The following WWOX variants were observed in gnomAD, a reference collection of about 807,000 sequenced individuals.
The protein encoded by WWOX is WW domain containing oxidoreductase.
WWOX carries 69 observed loss-of-function variants against 46.2 expected under a neutral mutation model. The observed-to-expected ratio is 1.49, with a 90% CI of 1.23 to 1.82. WWOX has a LOEUF of 1.82. WWOX is among the 40% of genes most tolerant of loss of function. The probability of loss-of-function intolerance (pLI) is 0.00; values close to 1 mark genes in which losing one functional copy is unlikely to be tolerated. For synonymous variants in WWOX, 359 were observed against 202.6 expected (o/e 1.77, Z -6.56); for missense variants, 919 against 542.6 (o/e 1.69, Z -6.89).
intron 8 of WWOX, chr16:78,526,476 C>G (rs1484510684): frequency 6.6e-6 from 1 of 152,192 alleles, no homozygotes; most frequent in Admixed American, 6.5e-5. Context: ...AGAGAAGATC[C>G]ATTGCAAAAT....
intron 8 of WWOX, among the ~76,000 whole-genome samples, chr16:78,732,224 C>T (rs368006907): frequency 1.0e-3 from 156 of 152,116 alleles, no homozygotes; most frequent in African/African-American, 3.5e-3. Flanking sequence ...GTACAGGTGA[C>T]GCTGCAGACT....
At chr16:79,074,162 C>G (rs1018782912) in intron 8 of WWOX, among the ~76,000 whole-genome samples, 10 of 152,040 alleles carry the variant, frequency 6.6e-5, no homozygotes, top group African/African-American at 9.7e-5. Context: ...GCAGGCAACT[C>G]CGACCCCAAG....
At chr16:78,295,988 T>C (rs1286977592) in intron 5 of WWOX, among the ~76,000 whole-genome samples, 1 of 152,246 alleles carries the variant, frequency 6.6e-6, no homozygotes, top group Non-Finnish European at 1.5e-5. Context: ...ATTCCTGCCA[T>C]CTGCAGCTTC....
intron 6 of WWOX, among the ~76,000 whole-genome samples, chr16:78,424,575 C>T (rs2083031578): frequency 6.6e-6 from 1 of 152,174 alleles, no homozygotes; most frequent in Admixed American, 6.5e-5. Context: ...CAACTCTTCG[C>T]AGATTGCCTG....
At chr16:79,067,836 C>T (rs1567527339) in intron 8 of WWOX, among the ~76,000 whole-genome samples, 2 of 152,170 alleles carry the variant, frequency 1.3e-5, no homozygotes, top group Non-Finnish European at 2.9e-5. Context: ...TGCGAGTCAT[C>T]TGCAAATGAA....
At chr16:78,670,192 C>A (rs937854042) in intron 8 of WWOX, among the ~76,000 whole-genome samples, 8 of 152,116 alleles carry the variant, frequency 5.3e-5, no homozygotes, top group African/African-American at 1.9e-4. Context: ...CCAGCAGGTC[C>A]AGCTCTAACC....
At chr16:78,492,839 G>A (rs1036273337) in intron 8 of WWOX, among the ~76,000 whole-genome samples, 9 of 152,076 alleles carry the variant, frequency 5.9e-5, no homozygotes, top group Admixed American at 3.9e-4. Context: ...CTGCTAGGCC[G>A]AATACTTGTG....
intron 8 of WWOX, among the ~76,000 whole-genome samples, chr16:79,189,229 A>G (rs1021057682): frequency 3.3e-5 from 5 of 151,984 alleles, no homozygotes; most frequent in African/African-American, 1.2e-4. Flanking sequence ...TGGAACAGGC[A>G]TCTATTAGGA....
intron 7 of WWOX, among the ~76,000 whole-genome samples, chr16:78,425,657 G>A (rs1481692753): frequency 6.6e-6 from 1 of 152,070 alleles, no homozygotes; most frequent in Admixed American, 6.5e-5. Context: ...AAATTTCCTC[G>A]TATTTTCAGC....
intron 8 of WWOX, among the ~76,000 whole-genome samples, chr16:78,550,369 A>G (rs2044145135): frequency 6.6e-6 from 1 of 152,248 alleles, no homozygotes. Flanking sequence ...ATCATGCATT[A>G]GTGAAAGCAC....
chr16:79,048,898 C>T (rs1157369874), intron 8 of WWOX, among the ~76,000 whole-genome samples: 1 of 152,122 alleles, frequency 6.6e-6, no homozygotes, highest in Non-Finnish European at 1.5e-5. Context: ...GAGTGACCTC[C>T]AGAACTGTAA....
rs533321991 is a variant in WWOX at position 78,334,795 on chromosome 16, C to A, written c.517-52065C>A. On this transcript the variant is annotated intron_variant, in intron 5 of 8. Coordinates refer to ENST00000566780, the MANE Select transcript of WWOX (RefSeq NM_016373.4). ...GGAAAATGGGAAAGTCTCCCCTCCA[C>A]ACACACACACACGCACACACACACA... is the stretch of plus-strand genomic sequence containing the variant. Among the ~76,000 whole-genome samples, 638 of 63,892 alleles carry A rather than the reference C, an allele frequency of 1.0e-2. 1 individual carries two copies. The highest frequency in any genetic ancestry group is 0.045 in the African/African-American group (614 of 13,496). The allele number at this position is 63,892 out of a possible 152,430, so 41.9% of individuals were successfully genotyped here.
At chr16:78,725,455 C>T (rs1192761865) in intron 8 of WWOX, among the ~76,000 whole-genome samples, 1 of 141,150 alleles carries the variant, frequency 7.1e-6, no homozygotes, top group Non-Finnish European at 1.5e-5. Context: ...TTAAGCGATT[C>T]TCCTGCCTCA....
chr16:78,420,125 AC>A (rs1335842770), intron 6 of WWOX, among the ~76,000 whole-genome samples: 1 of 152,194 alleles, frequency 6.6e-6, no homozygotes, highest in Non-Finnish European at 1.5e-5. Flanking sequence ...ACAAATACTT[AC>A]AAACACATGG....
chr16:78,329,493 G>A (rs1012731200), intron 5 of WWOX, among the ~76,000 whole-genome samples: 1 of 152,178 alleles, frequency 6.6e-6, no homozygotes, highest in Non-Finnish European at 1.5e-5. Flanking sequence ...CGTGGCAAAT[G>A]TGACCTACCT....
chr16:78,378,651 C>T (rs1960656401), intron 5 of WWOX, among the ~76,000 whole-genome samples: 1 of 152,110 alleles, frequency 6.6e-6, no homozygotes, highest in African/African-American at 2.4e-5. Flanking sequence ...TGTGACAGCT[C>T]CTATTTAAGG....
At chr16:78,399,715 C>A (rs2082368137) in intron 6 of WWOX, among the ~76,000 whole-genome samples, 1 of 152,198 alleles carries the variant, frequency 6.6e-6, no homozygotes, top group South Asian at 2.1e-4. Flanking sequence ...TATTTCCCAA[C>A]TTGGCCCATG....
intron 8 of WWOX, among the ~76,000 whole-genome samples, chr16:78,785,437 G>C (rs894671658): frequency 2.6e-5 from 4 of 152,180 alleles, no homozygotes; most frequent in Admixed American, 2.6e-4. Context: ...TGGTGTGCTG[G>C]TAAATGATTA....
chr16:78,354,580 G>T (rs144500709), intron 5 of WWOX, among the ~76,000 whole-genome samples: 24 of 152,176 alleles, frequency 1.6e-4, no homozygotes, highest in Non-Finnish European at 2.8e-4. Context: ...TATCCAGCAA[G>T]CCACTTTTAA....
Sources: gnomAD v4.1 joint callset for allele counts (sites outside exome capture counted in the v4.1 genomes callset) on GRCh38, gnomAD v4.1.1 for gene constraint, MANE v1.5 for transcripts, NCBI Gene and HGNC (gene_info 2026-07-23, HGNC 2026-07-21) for gene names.